Variants in LRRIQ3 observed in about 807,000 individuals in gnomAD.
LRRIQ3 encodes leucine rich repeats and IQ motif containing 3.
In LRRIQ3, 75 loss-of-function variants were observed where a neutral mutation model predicts 59.3. The ratio of observed to expected loss-of-function variants is 1.26; its 90% confidence interval spans 1.05 to 1.53. The LOEUF (loss-of-function observed/expected upper bound fraction) is 1.53, where lower values mean the gene tolerates loss of function less well. Among genes scored for constraint, LRRIQ3 ranks in the 40% most tolerant of loss-of-function variants. The probability of loss-of-function intolerance (pLI) is 0.00; values close to 1 mark genes in which losing one functional copy is unlikely to be tolerated. For synonymous variants in LRRIQ3, 250 were observed against 231.3 expected (o/e 1.08, Z -0.73); for missense variants, 831 against 710.0 (o/e 1.17, Z -1.94).
intron 4 of LRRIQ3, among the ~76,000 whole-genome samples, chr1:74,150,244 T>C (rs1647844515): frequency 6.6e-6 from 1 of 152,166 alleles, no homozygotes; most frequent in African/African-American, 2.4e-5. Flanking sequence ...GGATCCTTGA[T>C]TTTGTGCAGT....
chr1:74,183,742 A>G, intron 1 of LRRIQ3, 58 bp from the exon 2 acceptor site: 1 of 1,391,616 alleles, frequency 7.2e-7, no homozygotes, highest in East Asian at 2.6e-5. Context: ...ATTTACCTGA[A>G]AACAAACAAA....
intron 5 of LRRIQ3, among the ~76,000 whole-genome samples, chr1:74,108,503 A>T (rs1478104689): frequency 6.6e-6 from 1 of 151,766 alleles, no homozygotes; most frequent in Non-Finnish European, 1.5e-5. Flanking sequence ...TATCTGGAAC[A>T]CAGGTGTTCA....
intron 7 of LRRIQ3, among the ~76,000 whole-genome samples, chr1:74,038,142 T>A (rs74900124): frequency 0.026 from 4,027 of 152,262 alleles, 179 homozygotes; most frequent in African/African-American, 0.092. Context: ...GGAGTCTGGA[T>A]AGCTTCGTCC....
At chr1:74,057,640 T>A (rs1031177191) in intron 6 of LRRIQ3, among the ~76,000 whole-genome samples, 1 of 152,054 alleles carries the variant, frequency 6.6e-6, no homozygotes, top group African/African-American at 2.4e-5. Context: ...ACTTTGAAAC[T>A]ACTAGAAAAC....
chr1:74,109,147 A>T, intron 5 of LRRIQ3: 3 of 237,358 alleles, frequency 1.3e-5, no homozygotes, highest in East Asian at 1.0e-4. Context: ...AAAACTAAAT[A>T]AAAAATTATA....
At chr1:74,185,649 A>C (rs1389206153) in intron 1 of LRRIQ3, among the ~76,000 whole-genome samples, 1 of 152,158 alleles carries the variant, frequency 6.6e-6, no homozygotes, top group African/African-American at 2.4e-5. Flanking sequence ...AATGCATAAA[A>C]AGTCCTTGAA....
chr1:74,152,150 A>G (rs967868293), intron 4 of LRRIQ3, among the ~76,000 whole-genome samples: 1 of 152,030 alleles, frequency 6.6e-6, no homozygotes, highest in African/African-American at 2.4e-5. Flanking sequence ...AAGACATGTA[A>G]GAGAAAATTT....
At chr1:74,119,833 A>G (rs1035863434) in intron 4 of LRRIQ3, among the ~76,000 whole-genome samples, 5 of 152,062 alleles carry the variant, frequency 3.3e-5, no homozygotes, top group African/African-American at 1.2e-4. Flanking sequence ...AAGTGGCCTA[A>G]AAGTAATTTT....
intron 6 of LRRIQ3, among the ~76,000 whole-genome samples, chr1:74,062,532 A>C (rs1457860641): frequency 6.6e-6 from 1 of 152,136 alleles, no homozygotes. Context: ...ATGAGTACTC[A>C]AAGGAATAGA....
At chr1:74,060,201 T>C (rs1244066523) in intron 6 of LRRIQ3, among the ~76,000 whole-genome samples, 3 of 43,964 alleles carry the variant, frequency 6.8e-5, no homozygotes, top group East Asian at 3.3e-3. Flanking sequence ...CTTCTTCTTC[T>C]TCTTCTTCTT....
intron 4 of LRRIQ3, among the ~76,000 whole-genome samples, chr1:74,134,981 G>C (rs557344083): frequency 6.6e-6 from 1 of 151,862 alleles, no homozygotes; most frequent in South Asian, 2.1e-4. Context: ...ATAGCAAAAC[G>C]TAAGTTTCTA....
chr1:74,048,280 T>A (rs911129149), intron 6 of LRRIQ3, among the ~76,000 whole-genome samples: 2 of 152,188 alleles, frequency 1.3e-5, no homozygotes, highest in African/African-American at 2.4e-5. Flanking sequence ...CACCCTGGGA[T>A]GGTTATTTAT....
chr1:74,066,102 C>G (rs1177343335), intron 6 of LRRIQ3, among the ~76,000 whole-genome samples: 2 of 151,084 alleles, frequency 1.3e-5, no homozygotes, highest in African/African-American at 2.4e-5. Flanking sequence ...TGGAGAATCA[C>G]TTGAACCCGG....
chr1:74,117,836 C>T (rs1557623708), intron 4 of LRRIQ3, among the ~76,000 whole-genome samples: 2 of 151,976 alleles, frequency 1.3e-5, no homozygotes, highest in East Asian at 1.9e-4. Context: ...AAATATAATT[C>T]TATATATCCA....
chr1:74,068,056 T>C (rs1046118057), intron 6 of LRRIQ3, among the ~76,000 whole-genome samples: 14 of 152,112 alleles, frequency 9.2e-5, no homozygotes, highest in Admixed American at 9.2e-4. Flanking sequence ...GCACATAGTT[T>C]GCCTTCCAAG....
In LRRIQ3 at chr1:74,158,046, T is replaced by C. The variant is rs559740769; in HGVS notation, c.574-2180A>G. ...AACCCTGGAACCATCCTAGGTTCTC[T>C]CTTTTTTTATGCTTCCTGGCATGCA... On this transcript the variant is annotated intron_variant, in intron 3 of 7. Transcript: ENST00000354431. 3.3e-5 allele frequency among the ~76,000 whole-genome samples: 5 copies of C among 152,304 alleles called. No individual in the cohort carries two copies. In the East Asian group the frequency reaches 5.8e-4, roughly 18 times the overall value.
intron 5 of LRRIQ3, 29 bp downstream of exon 5, chr1:74,109,365 A>T (rs12133827): frequency 0.061 from 82,672 of 1,363,204 alleles, 2,974 homozygotes; most frequent in Non-Finnish European, 0.072. Context: ...ATACATTTCA[A>T]ATAAAAATAA....
intron 1 of LRRIQ3, among the ~76,000 whole-genome samples, chr1:74,189,150 G>A (rs1570284330): frequency 6.6e-6 from 1 of 152,154 alleles, no homozygotes; most frequent in African/African-American, 2.4e-5. Context: ...TTTCCATACT[G>A]TCTCAGGACC....
At chr1:74,064,441 G>T (rs1232276251) in intron 6 of LRRIQ3, among the ~76,000 whole-genome samples, 1 of 151,960 alleles carries the variant, frequency 6.6e-6, no homozygotes, top group African/African-American at 2.4e-5. Flanking sequence ...AAAGAGAAAA[G>T]GAGAAGAAAG....
Sources: gnomAD v4.1 joint callset for allele counts (sites outside exome capture counted in the v4.1 genomes callset) on GRCh38, gnomAD v4.1.1 for gene constraint, MANE v1.5 for transcripts, NCBI Gene and HGNC (gene_info 2026-07-23, HGNC 2026-07-21) for gene names.